Variants in GNS observed in about 807,000 individuals in gnomAD.
The protein encoded by GNS is glucosamine (N-acetyl)-6-sulfatase.
A neutral mutation model predicts 69.7 loss-of-function variants in GNS; 40 were observed. The observed-to-expected ratio is 0.57, with a 90% CI of 0.45 to 0.75. The LOEUF (loss-of-function observed/expected upper bound fraction) is 0.75. GNS is among the 30% of genes least tolerant of loss of function. The pLI, the probability that GNS is intolerant of heterozygous loss-of-function variation, is 0.00. For missense variants in GNS, 565 were observed against 685.5 expected (o/e 0.82, Z 1.96); for synonymous variants, 243 against 251.6 (o/e 0.97, Z 0.32).
At chr12:64,720,864 C>A (rs987148564) in intron 12 of GNS, among the ~76,000 whole-genome samples, 1 of 152,238 alleles carries the variant, frequency 6.6e-6, no homozygotes, top group Middle Eastern at 3.4e-3. Context: ...TGCCCTCACT[C>A]ACACAATCAC....
At chr12:64,733,297 CAAAAA>C (rs961321163) in intron 9 of GNS, among the ~76,000 whole-genome samples, 3 of 26,638 alleles carry the variant, frequency 1.1e-4, no homozygotes, top group African/African-American at 3.3e-4. Context: ...GACCCTGTCT[CAAAAA>C]AAAAAAAAAA....
rs1393303516 is a variant in GNS, at chr12:64,715,514, T to C, written c.*1227A>G. On this transcript the variant is annotated 3_prime_UTR_variant, in exon 14 of 14. Transcript: ENST00000258145. ...GCCTGGGTGACATAGTGAGACTCTG[T>C]CCCCACTTCTCAAAAATAAAAACAT... is the stretch of plus-strand genomic sequence containing the variant. 6.5e-6 allele frequency: 1 copy of C among 153,870 alleles called. No homozygotes were observed. Among genetic ancestry groups the C allele is most frequent in the Non-Finnish European group, 1.5e-5 (1 of 68,220 alleles). The allele number at this position is 153,870 out of a possible 1,614,324, so 9.5% of individuals were successfully genotyped here. A position where few individuals can be genotyped will look rare whatever the true frequency, so the allele number is the denominator to read the frequency against.
At chr12:64,737,300 A>G (rs1869583784) in intron 8 of GNS, among the ~76,000 whole-genome samples, 193 bp from the exon 9 acceptor site, 1 of 152,242 alleles carries the variant, frequency 6.6e-6, no homozygotes, top group Non-Finnish European at 1.5e-5. Flanking sequence ...CATCTTCTCT[A>G]AACAAATGAC....
chr12:64,756,769 G>T (rs1474086714), intron 1 of GNS: 2 of 1,460,826 alleles, frequency 1.4e-6, no homozygotes, highest in Non-Finnish European at 1.9e-6. Context: ...AAGCCTAGAA[G>T]AGAAGCCAGA....
In GNS at chr12:64,724,655, C is replaced by T. The variant is rs1049209177; in HGVS notation, c.1201-1542G>A. On this transcript the variant is annotated intron_variant, in intron 10 of 13. Transcript: ENST00000258145. ...GGTGGATCACCTGAGGTCAGGAGTT[C>T]GAGACTAGCCCGACCAACATGGTGA... Among the ~76,000 whole-genome samples, 5 of 152,134 alleles carry T rather than the reference C, an allele frequency of 3.3e-5. No individual in the cohort carries two copies. In the East Asian group the frequency reaches 5.8e-4, roughly 18 times the overall value.
At chr12:64,745,967 A>T in intron 3 of GNS, 2 of 545,492 alleles carry the variant, frequency 3.7e-6, no homozygotes, top group Non-Finnish European at 6.5e-6. Context: ...CAGCAAGCTA[A>T]GAATTTAACA....
At chr12:64,719,894 A>G (rs1275819112) in intron 13 of GNS, 128 bp downstream of exon 13, 2 of 740,826 alleles carry the variant, frequency 2.7e-6, no homozygotes, top group African/African-American at 1.8e-5. Context: ...TGATGCAATT[A>G]GAACACAGTA....
At chr12:64,748,069 A>G (rs1402967611) in intron 2 of GNS, 151 bp from the exon 3 acceptor site, 3 of 663,580 alleles carry the variant, frequency 4.5e-6, no homozygotes, top group South Asian at 3.4e-5. Flanking sequence ...TACACATGAC[A>G]TGCTTCAGGG....
At chr12:64,732,177 T>TTTTTTTTTTTTTTTTTTG (rs1869420660) in intron 9 of GNS, among the ~76,000 whole-genome samples, 1 of 119,664 alleles carries the variant, frequency 8.4e-6, no homozygotes, top group Non-Finnish European at 1.8e-5. Flanking sequence ...TTGTTTTTTT[T>TTTTTTTTTTTTTTTTTTG]TTTTTTTTGA....
intron 6 of GNS, among the ~76,000 whole-genome samples, chr12:64,742,604 A>G (rs1258568848): frequency 6.6e-6 from 1 of 152,230 alleles, no homozygotes; most frequent in East Asian, 1.9e-4. Context: ...ACCTGAGGCA[A>G]TGCAGGCCTT....
At chr12:64,735,467 A>C (rs1470208250) in intron 9 of GNS, among the ~76,000 whole-genome samples, 1 of 152,254 alleles carries the variant, frequency 6.6e-6, no homozygotes, top group Admixed American at 6.5e-5. Flanking sequence ...AATGTTAGCT[A>C]TATTATTGAA....
chr12:64,743,019 T>C (rs1235262303), intron 6 of GNS, 122 bp downstream of exon 6: 1 of 806,836 alleles, frequency 1.2e-6, no homozygotes, highest in African/African-American at 1.7e-5. Context: ...TAGGGACAGA[T>C]GCAATTACCT....
chr12:64,726,144 A>G (rs1869192346), intron 10 of GNS, among the ~76,000 whole-genome samples: 1 of 152,118 alleles, frequency 6.6e-6, no homozygotes, highest in Non-Finnish European at 1.5e-5. Flanking sequence ...TTTTCAGATA[A>G]TCTGAAAAGC....
At chr12:64,737,579 A>T (rs1380838691) in intron 8 of GNS, among the ~76,000 whole-genome samples, 1 of 152,246 alleles carries the variant, frequency 6.6e-6, no homozygotes. Context: ...ACAGGATTAC[A>T]AAATCAATAT....
intron 11 of GNS, 26 bp downstream of exon 11, chr12:64,722,980 C>CT: frequency 7.5e-7 from 1 of 1,329,524 alleles, no homozygotes; most frequent in Non-Finnish European, 1.1e-6. Flanking sequence ...AGAAAGCTGT[C>CT]TAAGTTGATT....
chr12:64,757,668 C>T (rs1385793731), intron 1 of GNS, among the ~76,000 whole-genome samples: 2 of 152,060 alleles, frequency 1.3e-5, no homozygotes, highest in Admixed American at 6.5e-5. Flanking sequence ...TTTTACAACT[C>T]GGGAAGAAAG....
At chr12:64,736,078 T>C (rs1404115602) in intron 9 of GNS, among the ~76,000 whole-genome samples, 5 of 152,234 alleles carry the variant, frequency 3.3e-5, no homozygotes, top group African/African-American at 1.2e-4. Flanking sequence ...TTCATCTTCC[T>C]TGGTCTCACA....
intron 13 of GNS, 85 bp from the exon 14 acceptor site, chr12:64,716,904 G>A (rs1868878931): frequency 1.1e-6 from 1 of 883,538 alleles, no homozygotes; most frequent in Non-Finnish European, 1.9e-6. Flanking sequence ...AGCAGGAAGG[G>A]GTGTAAAAGA....
chr12:64,721,836 G>C (rs1249308540), intron 11 of GNS, 131 bp from the exon 12 acceptor site: 1 of 712,440 alleles, frequency 1.4e-6, no homozygotes, highest in Non-Finnish European at 2.6e-6. Context: ...ACCTTCCATG[G>C]GGAAGCCAGT....
Sources: gnomAD v4.1 joint callset for allele counts (sites outside exome capture counted in the v4.1 genomes callset) on GRCh38, gnomAD v4.1.1 for gene constraint, MANE v1.5 for transcripts, NCBI Gene and HGNC (gene_info 2026-07-23, HGNC 2026-07-21) for gene names.